Variants in CTC1 observed in about 807,000 individuals in gnomAD.
CTC1 encodes CST telomere replication complex component 1.
CTC1 carries 91 observed loss-of-function variants against 136.3 expected under a neutral mutation model. That is an observed-to-expected ratio of 0.67 (90% CI 0.56 to 0.79). CTC1 has a LOEUF of 0.79. Among genes scored for constraint, CTC1 ranks in the 30% least tolerant of loss-of-function variants. The pLI, the probability that CTC1 is intolerant of heterozygous loss-of-function variation, is 0.00. For synonymous variants in CTC1, 606 were observed against 613.8 expected (o/e 0.99, Z 0.19); for missense variants, 1,432 against 1,498.1 (o/e 0.96, Z 0.73).
Position 8,232,036 on chromosome 17 carries a change from C to G in CTC1, c.2252G>C (p.Gly751Ala). The G allele has an allele frequency of 5.1e-6, 8 of 1,578,820 alleles. No homozygotes were observed. The highest frequency in any genetic ancestry group is 6.9e-6 in the Non-Finnish European group (8 of 1,167,258). ...GGGCTTGGGCACCTCTGGACTTGCT[C>G]CTGGGGGGACACAAAAATTACGCTT... ...LMKRNFCVPP[G>A]ASPEVPKPAL... Residue 751 changes from glycine (G) to alanine (A), a missense_variant, in exon 13 of 23, where the codon GGA becomes GCA. By Grantham distance (60) the Gly-to-Ala change is moderately conservative (BLOSUM62 0). Coordinates refer to ENST00000651323, the MANE Select transcript of CTC1 (RefSeq NM_025099.6).
rs761792949 is a variant in CTC1, at chr17:8,234,736, C to A, written c.1617+13G>T. ...CAGTGTTCTGCCACCATCCTTCCCC[C>A]ACATCCTCATACTTTCTGGAGGGGA... is the stretch of plus-strand genomic sequence containing the variant. On this transcript the variant is annotated intron_variant, in intron 9 of 22. Coordinates refer to ENST00000651323, the MANE Select transcript of CTC1 (RefSeq NM_025099.6). 5.1e-6 allele frequency: 8 copies of A among 1,582,516 alleles called. No individual in the cohort carries two copies. Among genetic ancestry groups the A allele is most frequent in the East Asian group, 2.2e-5 (1 of 44,530 alleles).
intron 10 of CTC1, among the ~76,000 whole-genome samples, chr17:8,234,046 G>A (rs1235268852): frequency 1.3e-5 from 2 of 152,156 alleles, no homozygotes; most frequent in Admixed American, 6.5e-5. Flanking sequence ...GTGCAGTGGT[G>A]TGATCTTGGC....
At position 8,243,081 on chromosome 17, in the gene CTC1, G is replaced by T; in HGVS notation, c.101C>A (p.Pro34His). The change falls in exon 2 of 23, where the codon CCT becomes CAT. Residue 34 changes from proline (P) to histidine (H), a missense_variant. By Grantham distance (77) the Pro-to-His change is moderately conservative (BLOSUM62 -2). Coordinates refer to ENST00000651323, the MANE Select transcript of CTC1 (RefSeq NM_025099.6). ...TACCAATGGAGTCAACTGGACATTA[G>T]GCTCCTTGACAGCTGGACACAGGGT... ...QKTLCPAVKE[P>H]NVQLTPLVID... 1.9e-6 allele frequency: 3 copies of T among 1,614,064 alleles called. No homozygotes were observed. The African/African-American group carries it at 4.0e-5, about 22-fold the overall frequency.
At chr17:8,232,268 G>A (rs1039483103) in intron 12 of CTC1, 41 bp from the exon 13 acceptor site, 1 of 1,547,612 alleles carries the variant, frequency 6.5e-7, no homozygotes, top group East Asian at 2.2e-5. Context: ...AGTGATGCAG[G>A]CATTGGGTAT....
Position 8,229,445 on chromosome 17 carries a change from T to C in CTC1, c.3013A>G (p.Ile1005Val), listed in dbSNP as rs3826543. 1,271,290 of 1,610,584 alleles carry C rather than the reference T, an allele frequency of 0.79. 509,041 individuals are homozygous for C. The highest frequency in any genetic ancestry group is 0.82 in the Non-Finnish European group (965,602 of 1,177,176). ...GCCAGGTAGATGTGGGGCAGGGGAA[T>C]GCTAAATAAATACAGGGAGACAGAG... ...LSFPPETTISIPLPHIYLAEL... is the reference protein window; with the variant it reads ...LSFPPETTISVPLPHIYLAEL... The change falls in exon 19 of 23, where the codon ATT becomes GTT. Residue 1005 changes from isoleucine to valine, a missense_variant and splice_region_variant. Ile to Val is a conservative substitution (Grantham distance 29). Coordinates refer to ENST00000651323, the MANE Select transcript of CTC1 (RefSeq NM_025099.6).
chr17:8,228,099 G>A lies in CTC1; in HGVS notation c.*81C>T. The A allele has an allele frequency of 2.9e-6, 4 of 1,364,576 alleles. No individual in the cohort carries two copies. The Admixed American group carries it at 5.5e-5, about 19-fold the overall frequency. 84.5% of individuals were successfully genotyped at this position (1,364,576 alleles called of 1,614,324 possible). On this transcript the variant is annotated 3_prime_UTR_variant, in exon 23 of 23. Transcript: ENST00000651323. ...ATCTGGAGTCCTTGGTTCAATCACA[G>A]AACAAGTAGGGAGAGGAGCCAGGAC...
rs974582473 is a variant in CTC1 at position 8,227,063 on chromosome 17, C to T, written c.*1117G>A. The T allele has an allele frequency of 2.0e-5, 3 of 150,898 alleles. No homozygotes were observed. Among genetic ancestry groups the T allele is most frequent in the Non-Finnish European group, 4.4e-5 (3 of 68,042 alleles). The allele number at this position is 150,898 out of a possible 1,614,324, so 9.3% of individuals were successfully genotyped here. On this transcript the variant is annotated 3_prime_UTR_variant, in exon 23 of 23. Coordinates refer to ENST00000651323, the MANE Select transcript of CTC1 (RefSeq NM_025099.6). ...CGCTCTAACCAACTGAGCTAACCGGCCACTAACTTTCCGGGTCTACTTCAA... is the reference window on the plus strand; with the variant it reads ...CGCTCTAACCAACTGAGCTAACCGGTCACTAACTTTCCGGGTCTACTTCAA...
At position 8,225,843 on chromosome 17, in the gene CTC1, C is replaced by T. The variant is rs1311396995; in HGVS notation, c.*2337G>A. ...TTTATATTATATACTATATATATAA[C>T]ATTATGAGCCACCAAACCCAAAGAA... On this transcript the variant is annotated 3_prime_UTR_variant, in exon 23 of 23. Transcript: ENST00000651323. 1.3e-5 allele frequency: 2 copies of T among 151,258 alleles called. No individual in the cohort carries two copies. Among genetic ancestry groups the T allele is most frequent in the Non-Finnish European group, 2.9e-5 (2 of 67,882 alleles). 9.4% of individuals were successfully genotyped at this position (151,258 alleles called of 1,614,324 possible).
chr17:8,242,915 A>T, intron 2 of CTC1, 70 bp downstream of exon 2: 1 of 1,422,358 alleles, frequency 7.0e-7, no homozygotes, highest in Admixed American at 2.3e-5. Context: ...CTAATTATAG[A>T]ACCTTACTTT....
At chr17:8,230,222 T>C in intron 17 of CTC1, 72 bp downstream of exon 17, 1 of 1,474,582 alleles carries the variant, frequency 6.8e-7, no homozygotes, top group South Asian at 1.3e-5. Flanking sequence ...TGCAGCAAAG[T>C]TAAGCAGGGG....
chr17:8,236,970 C>T (rs747834905), intron 5 of CTC1, among the ~76,000 whole-genome samples: 28 of 150,028 alleles, frequency 1.9e-4, no homozygotes, highest in East Asian at 1.9e-4. Context: ...CCTCATGAGT[C>T]TAAAAGTTGA....
chr17:8,231,135 C>T (rs1567601767), intron 15 of CTC1, 141 bp downstream of exon 15: 5 of 681,340 alleles, frequency 7.3e-6, no homozygotes, highest in Non-Finnish European at 9.5e-6. Flanking sequence ...AGTGAGACTC[C>T]GTCTCAAAAA....
intron 15 of CTC1, 135 bp downstream of exon 15, chr17:8,231,140 CA>C (rs375104077): frequency 2.1e-4 from 152 of 713,490 alleles, no homozygotes; most frequent in South Asian, 3.2e-4. Flanking sequence ...GACTCCGTCT[CA>C]AAAAAAAACA....
In CTC1 at chr17:8,226,268, G is replaced by A. The variant is rs763742685; in HGVS notation, c.*1912C>T. On this transcript the variant is annotated 3_prime_UTR_variant, in exon 23 of 23. Coordinates refer to ENST00000651323, the MANE Select transcript of CTC1 (RefSeq NM_025099.6). Reference sequence around the variant, plus strand: ...CTGGGATTCGAACCCAGGATCTCCTGTTTACTAGACAGGCGCTTTAACCAA... The same window carrying A: ...CTGGGATTCGAACCCAGGATCTCCTATTTACTAGACAGGCGCTTTAACCAA... 3 of 152,308 alleles carry A rather than the reference G, an allele frequency of 2.0e-5. No homozygotes were observed. Among genetic ancestry groups the A allele is most frequent in the Admixed American group, 6.5e-5 (1 of 15,278 alleles). 9.4% of individuals were successfully genotyped at this position (152,308 alleles called of 1,614,324 possible). A position where few individuals can be genotyped will look rare whatever the true frequency, so the allele number is the denominator to read the frequency against.
chr17:8,228,707 C>T lies in CTC1; in HGVS notation c.3387+20G>A. The T allele has an allele frequency of 1.2e-6, 2 of 1,613,966 alleles. No individual in the cohort carries two copies. The highest frequency in any genetic ancestry group is 1.7e-6 in the Non-Finnish European group (2 of 1,179,888). On this transcript the variant is annotated intron_variant, in intron 21 of 22. Coordinates refer to ENST00000651323, the MANE Select transcript of CTC1 (RefSeq NM_025099.6). ...CAGGAATTTGGGTATCCGAGTCCCT[C>T]CCTCCCAGCCACATTACACCTCAAG...
In CTC1 at chr17:8,237,466, C is replaced by A. The variant is rs767816792; in HGVS notation, c.701G>T (p.Ser234Ile). 1 of 1,613,942 alleles carries A rather than the reference C, an allele frequency of 6.2e-7. No homozygotes were observed. Among genetic ancestry groups the A allele is most frequent in the Non-Finnish European group, 8.5e-7 (1 of 1,179,974 alleles). Residue 234 changes from serine to isoleucine, a missense_variant, in exon 5 of 23, where the codon AGT (serine) becomes ATT (isoleucine). Physicochemically the swap from Ser to Ile is moderately radical, Grantham distance 142. Transcript: ENST00000651323. ...TTTCTGTTTACTTTTCACCAGAGCA[C>A]TCAATCGAACTAGACTCCCAGCCAG... Reference protein sequence around the residue: ...RNLAGSLVRLSALVKSKQKAY... With the variant: ...RNLAGSLVRLIALVKSKQKAY...
chr17:8,242,959 C>T (rs1597396593), intron 2 of CTC1, 26 bp downstream of exon 2: 6 of 1,587,044 alleles, frequency 3.8e-6, no homozygotes, highest in Non-Finnish European at 5.1e-6. Context: ...CCCTGCCCAG[C>T]CCCCGCAACC....
chr17:8,232,307 C>G, intron 12 of CTC1, 54 bp downstream of exon 12: 2 of 1,583,654 alleles, frequency 1.3e-6, no homozygotes, highest in Non-Finnish European at 1.7e-6. Context: ...ACTCCTTCCA[C>G]CAGGCCCTTC....
chr17:8,228,425 C>T (rs1040901932), intron 22 of CTC1, 78 bp downstream of exon 22: 30 of 1,610,316 alleles, frequency 1.9e-5, no homozygotes, highest in Admixed American at 3.3e-5. Context: ...GTCCCTCATC[C>T]CTCTTCCTCC....
Sources: allele counts gnomAD v4.1 joint callset (sites outside exome capture counted in the v4.1 genomes callset), GRCh38; gene constraint gnomAD v4.1.1; transcripts MANE v1.5; gene names NCBI Gene and HGNC (gene_info 2026-07-23, HGNC 2026-07-21).